SYCP2L: variants seen among roughly 807,000 people sequenced by gnomAD.
SYCP2L encodes synaptonemal complex protein 2 like.
Under a neutral mutation model 125.8 loss-of-function variants are expected in SYCP2L, and 98 were observed. The ratio of observed to expected loss-of-function variants is 0.78; its 90% CI spans 0.66 to 0.92. The LOEUF (loss-of-function observed/expected upper bound fraction) is 0.92. Ranked by LOEUF, SYCP2L falls within the 40% of genes least tolerant of loss-of-function variation. The pLI, the probability that SYCP2L is intolerant of heterozygous loss-of-function variation, is 0.00. For synonymous variants in SYCP2L, 317 were observed against 325.4 expected, an observed-to-expected ratio of 0.97 and a Z score of 0.28; for missense variants, 842 against 936.4, an observed-to-expected ratio of 0.90 and a Z score of 1.32.
At chr6:10,931,841 T>A (rs1781001768) in intron 20 of SYCP2L, among the ~76,000 whole-genome samples, 1 of 151,934 alleles carries the variant, frequency 6.6e-6, no homozygotes, top group Non-Finnish European at 1.5e-5. Context: ...AGCACATGCT[T>A]ATAGTCCCAG....
chr6:10,961,515 C>T lies in SYCP2L; in HGVS notation c.2371C>T (p.Gln791Ter), dbSNP rs1781593503. ...TCAATCTTAGGAATTCTGGGGGAAA[C>T]AGTCTGCTGATCTGCAATCTTTCTG... ...EKEVLEFWGK[Q>*]SADLQSFCDL... The change falls in exon 28 of 30, where the codon CAG (glutamine) becomes TAG (stop). Residue 791 changes from glutamine (Q) to a stop codon, truncating the protein, a stop_gained. Transcript: ENST00000283141. LOFTEE classifies it high-confidence loss of function. The T allele has an allele frequency of 5.6e-6, 9 of 1,614,138 alleles. No individual in the cohort carries two copies. The highest frequency in any genetic ancestry group is 7.6e-6 in the Non-Finnish European group (9 of 1,180,014).
At chr6:10,931,149 C>T (rs140015595) in intron 19 of SYCP2L, among the ~76,000 whole-genome samples, 14 of 152,234 alleles carry the variant, frequency 9.2e-5, no homozygotes, top group African/African-American at 1.7e-4. Flanking sequence ...GCAGCTCAGG[C>T]GACAGAGTGA....
chr6:10,908,913 T>TG (rs990166212), intron 10 of SYCP2L, among the ~76,000 whole-genome samples: 14 of 152,148 alleles, frequency 9.2e-5, no homozygotes, highest in African/African-American at 3.4e-4. Flanking sequence ...ATCTGTAAAA[T>TG]GGGACTAAAG....
intron 10 of SYCP2L, among the ~76,000 whole-genome samples, 193 bp downstream of exon 10, chr6:10,907,877 T>C (rs1002478520): frequency 1.4e-5 from 2 of 146,124 alleles, no homozygotes; most frequent in Non-Finnish European, 3.0e-5. Context: ...GAGCTAGATA[T>C]AGGGATACAG....
At position 10,911,894 on chromosome 6, in the gene SYCP2L, CTTTTT is replaced by C. The variant is rs58800098; in HGVS notation, c.919-758_919-754del. ...TTTATCTGTTGTTGGGGAATAAAAGCTTTTTTTTTTTTTTTTTTTTTTTTTGAGAC... is the reference window on the plus strand; with the variant it reads ...TTTATCTGTTGTTGGGGAATAAAAGCTTTTTTTTTTTTTTTTTTTTGAGAC... On this transcript the variant is annotated intron_variant, in intron 12 of 29. Transcript: ENST00000283141. 6.4e-4 allele frequency among the ~76,000 whole-genome samples: 32 copies of C among 50,034 alleles called. 2 individuals are homozygous for C. Among genetic ancestry groups the C allele is most frequent in the Non-Finnish European group, 1.1e-4 (3 of 27,240 alleles). The allele number at this position is 50,034 out of a possible 152,430, so 32.8% of individuals were successfully genotyped here.
At chr6:10,908,104 T>C (rs1228211207) in intron 10 of SYCP2L, among the ~76,000 whole-genome samples, 2 of 151,984 alleles carry the variant, frequency 1.3e-5, no homozygotes, top group African/African-American at 4.8e-5. Context: ...GCCAGTCTTA[T>C]CTTGAACTCC....
intron 24 of SYCP2L, among the ~76,000 whole-genome samples, chr6:10,955,543 T>C (rs1781489642): frequency 6.6e-6 from 1 of 152,214 alleles, no homozygotes; most frequent in African/African-American, 2.4e-5. Flanking sequence ...GAAATATCTA[T>C]ACCGATTAAG....
chr6:10,905,848 A>G (rs926861679), intron 8 of SYCP2L, among the ~76,000 whole-genome samples, 172 bp from the exon 9 acceptor site: 15 of 152,238 alleles, frequency 9.9e-5, no homozygotes, highest in Non-Finnish European at 1.8e-4. Context: ...ATTAATATAT[A>G]AACTTGAGAA....
At position 10,912,799 on chromosome 6, in the gene SYCP2L, CTT is replaced by C; in HGVS notation, c.1011+36_1011+37del. On this transcript the variant is annotated intron_variant, in intron 13 of 29. Coordinates refer to ENST00000283141, the MANE Select transcript of SYCP2L (RefSeq NM_001040274.3). This position sits in a 1 kb window ranked among gnomAD's most constrained non-coding sequence, Gnocchi z 4.1. ...GTTCGATTCTTGGTTAGAACTAAGC[CTT>C]TAGAGATCTTTTTTATGTAAGTATG... 6.2e-7 allele frequency: 1 copy of C among 1,607,202 alleles called. No individual in the cohort carries two copies. The highest frequency in any genetic ancestry group is 8.5e-7 in the Non-Finnish European group (1 of 1,174,444).
Position 10,954,221 on chromosome 6 carries a change from G to A in SYCP2L, c.1955-895G>A, listed in dbSNP as rs10946907. On this transcript the variant is annotated intron_variant, in intron 23 of 29. Coordinates refer to ENST00000283141, the MANE Select transcript of SYCP2L (RefSeq NM_001040274.3). This position sits in a 1 kb window ranked among gnomAD's most constrained non-coding sequence, Gnocchi z 4.8. ...GATGTCACAACTAAAGGTACAGTGC[G>A]GGGGAGAGAGTGGTTTTAAGTGGGA... Among the ~76,000 whole-genome samples the A allele has an allele frequency of 1.4e-4, 22 of 152,306 alleles. No homozygotes were observed. The highest frequency in any genetic ancestry group is 5.8e-4 in the East Asian group (3 of 5,182).
Position 10,931,536 on chromosome 6 carries a change from G to A in SYCP2L, c.1683+47G>A, listed in dbSNP as rs894086553. ...TGCTGTGTGCCCTGTGAGTTAAACT[G>A]CATTTATTTCTCCAAAAACAACTTT... On this transcript the variant is annotated intron_variant, in intron 20 of 29. Coordinates refer to ENST00000283141, the MANE Select transcript of SYCP2L (RefSeq NM_001040274.3). The A allele has an allele frequency of 3.2e-6, 5 of 1,548,980 alleles. No homozygotes were observed. The Admixed American group carries it at 5.4e-5, about 17-fold the overall frequency.
chr6:10,915,052 T>G (rs891258638), intron 14 of SYCP2L, among the ~76,000 whole-genome samples: 1 of 152,078 alleles, frequency 6.6e-6, no homozygotes, highest in African/African-American at 2.4e-5. Context: ...GGCCCATCCC[T>G]AAGTTATTTT....
At chr6:10,931,549 C>G in intron 20 of SYCP2L, 60 bp downstream of exon 20, 1 of 1,471,954 alleles carries the variant, frequency 6.8e-7, no homozygotes, top group Admixed American at 1.8e-5. Context: ...TTTATTTCTC[C>G]AAAAACAACT....
At chr6:10,899,744 T>C (rs1253122353) in intron 6 of SYCP2L, among the ~76,000 whole-genome samples, 2 of 152,216 alleles carry the variant, frequency 1.3e-5, no homozygotes, top group South Asian at 2.1e-4. Flanking sequence ...GGAAATTCAG[T>C]ACCAGAAGCT....
chr6:10,914,959 C>T (rs1276487639), intron 14 of SYCP2L, among the ~76,000 whole-genome samples: 1 of 151,892 alleles, frequency 6.6e-6, no homozygotes, highest in African/African-American at 2.4e-5. Flanking sequence ...TTAGCCAGGC[C>T]GATCATGAAC....
chr6:10,942,244 A>G (rs1647228969), intron 21 of SYCP2L, among the ~76,000 whole-genome samples: 1 of 152,160 alleles, frequency 6.6e-6, no homozygotes, highest in South Asian at 2.1e-4. Flanking sequence ...ACATGTATAC[A>G]TACGTAACCT....
At position 10,940,670 on chromosome 6, in the gene SYCP2L, GC is replaced by G. The variant is rs111346789; in HGVS notation, c.1814-1788del. On this transcript the variant is annotated intron_variant, in intron 21 of 29. Coordinates refer to ENST00000283141, the MANE Select transcript of SYCP2L (RefSeq NM_001040274.3). Reference sequence around the variant, plus strand: ...GAGAATGGAACAGTGGTTGCCAGGTGCTAGGAGGTGGGGGGAAAGAGGAGAT... The same window carrying G: ...GAGAATGGAACAGTGGTTGCCAGGTGTAGGAGGTGGGGGGAAAGAGGAGAT... Among the ~76,000 whole-genome samples, 837 of 152,254 alleles carry G rather than the reference GC, an allele frequency of 5.5e-3. 13 individuals carry two copies. Among genetic ancestry groups the G allele is most frequent in the African/African-American group, 0.019 (789 of 41,546 alleles).
chr6:10,942,614 G>A lies in SYCP2L; in HGVS notation c.1885-63G>A, dbSNP rs1197535884. On this transcript the variant is annotated intron_variant, in intron 22 of 29. Coordinates refer to ENST00000283141, the MANE Select transcript of SYCP2L (RefSeq NM_001040274.3). ...ACACATTGGCTATTCCTTCTGACGA[G>A]TACACCACTTGTTTCTTGCTTTGCC... The A allele has an allele frequency of 2.5e-6, 4 of 1,596,092 alleles. No homozygotes were observed. The African/African-American group carries it at 5.4e-5, about 21-fold the overall frequency.
At position 10,931,474 on chromosome 6, in the gene SYCP2L, C is replaced by A. The variant is rs576267289; in HGVS notation, c.1668C>A (p.Gly556=). 107 of 1,613,928 alleles carry A rather than the reference C, an allele frequency of 6.6e-5. No homozygotes were observed. The highest frequency in any genetic ancestry group is 3.0e-4 in the Admixed American group (18 of 59,992). ...LPVFPPSSGS[G]HEKDQAKLLS... The stretch of plus-strand genomic sequence containing the variant: ...TTTTCCCTCCCAGTAGTGGCAGTGG[C>A]CATGAGAAAGACCAAGTAAGTACAT... Residue 556 remains glycine, a synonymous_variant, in exon 20 of 30, where the codon GGC becomes GGA. Transcript: ENST00000283141.
Sources: gnomAD v4.1 joint callset for allele counts (sites outside exome capture counted in the v4.1 genomes callset) on GRCh38, gnomAD v4.1.1 for gene constraint, Gnocchi (gnomAD v3.1) non-coding constraint, MANE v1.5 for transcripts, NCBI Gene and HGNC (gene_info 2026-07-23, HGNC 2026-07-21) for gene names.